The following NOC3L variants were observed in gnomAD, a reference collection of about 807,000 sequenced individuals.
NOC3L encodes the protein NOC3 like DNA replication regulator.
A neutral mutation model predicts 102.5 loss-of-function variants in NOC3L; 85 were observed. That is an observed-to-expected ratio of 0.83 (90% CI 0.70 to 0.99). The LOEUF is 0.99. Ranked by LOEUF, NOC3L falls within the 50% of genes least tolerant of loss-of-function variation. The pLI is 0.00. For missense variants in NOC3L, 878 were observed against 914.9 expected, an observed-to-expected ratio of 0.96 and a Z score of 0.52; for synonymous variants, 303 against 309.4, an observed-to-expected ratio of 0.98 and a Z score of 0.22.
At chr10:94,331,296 A>G (rs1488315098), downstream of NOC3L, 1 of 152,092 alleles carries the variant, frequency 6.6e-6, no homozygotes, top group East Asian at 1.9e-4. Context: ...GCCCTCTATG[A>G]TATGTATCAA....
chr10:94,333,210 TATC>T (rs1324386362), downstream of NOC3L: 2 of 152,054 alleles, frequency 1.3e-5, no homozygotes, highest in South Asian at 2.1e-4. Context: ...TTCAAAAAAT[TATC>T]ATATCACAAG....
chr10:94,353,758 G>A (rs1183593505), intron 6 of NOC3L, among the ~76,000 whole-genome samples: 2 of 152,062 alleles, frequency 1.3e-5, no homozygotes, highest in Admixed American at 6.6e-5. Context: ...CCTAAAGTAC[G>A]TGTGTCCTAT....
chr10:94,342,187 T>C (rs1321965837), intron 13 of NOC3L, among the ~76,000 whole-genome samples: 1 of 152,172 alleles, frequency 6.6e-6, no homozygotes, highest in African/African-American at 2.4e-5. Context: ...CAGTATCTAG[T>C]TCAGGCTCTG....
the NOC3L span, among the ~76,000 whole-genome samples, chr10:94,327,111 G>A: frequency 3.3e-5 from 5 of 152,054 alleles, no homozygotes; most frequent in South Asian, 6.2e-4. Flanking sequence ...GCAGTGAGCC[G>A]AGATTGCGCC....
the NOC3L span, among the ~76,000 whole-genome samples, chr10:94,323,235 G>T: frequency 6.6e-6 from 1 of 152,172 alleles, no homozygotes; most frequent in African/African-American, 2.4e-5. Flanking sequence ...TGGTTTCAGA[G>T]AAGTTTGCTT....
At chr10:94,325,292 C>A in the NOC3L span, 4 of 557,222 alleles carry the variant, frequency 7.2e-6, no homozygotes, top group East Asian at 9.5e-5. Flanking sequence ...CTATTGAACA[C>A]CGCCTATAAA....
At chr10:94,325,793 C>T in the NOC3L span, 7 of 152,206 alleles carry the variant, frequency 4.6e-5, 1 homozygote, top group South Asian at 1.5e-3. Context: ...TTCAAGGGCT[C>T]TATGGATCAT....
chr10:94,318,172 A>T, the NOC3L span, among the ~76,000 whole-genome samples: 1 of 152,186 alleles, frequency 6.6e-6, no homozygotes, highest in Non-Finnish European at 1.5e-5. Context: ...AAAAAATGTA[A>T]TTGTCTCCCC....
At position 94,353,097 on chromosome 10, in the gene NOC3L, C is replaced by A. The variant is rs781731169; in HGVS notation, c.697-40G>T. 6.6e-7 allele frequency: 1 copy of A among 1,526,186 alleles called. No homozygotes were observed. Among genetic ancestry groups the A allele is most frequent in the Non-Finnish European group, 8.9e-7 (1 of 1,123,362 alleles). The allele number at this position is 1,526,186 out of a possible 1,614,324, so 94.5% of individuals were successfully genotyped here. ...GCTTATAAAGCTGGAGAAATCATGA[C>A]GAAACAATTATGAACAAAAGACAAC... On this transcript the variant is annotated intron_variant, in intron 6 of 20. Transcript: ENST00000371361.
At chr10:94,325,823 A>G in the NOC3L span, among the ~76,000 whole-genome samples, 10 of 151,986 alleles carry the variant, frequency 6.6e-5, no homozygotes, top group Non-Finnish European at 1.2e-4. Flanking sequence ...ATTCTTTTGG[A>G]TTTCTCGTTT....
In NOC3L at chr10:94,345,063, C is replaced by G. The variant is rs1185243045; in HGVS notation, c.1390-130G>C. 12 of 588,748 alleles carry G rather than the reference C, an allele frequency of 2.0e-5. No homozygotes were observed. The South Asian group carries it at 2.8e-4, about 14-fold the overall frequency. The allele number at this position is 588,748 out of a possible 1,614,324, so 36.5% of individuals were successfully genotyped here. A position where few individuals can be genotyped will look rare whatever the true frequency, so the allele number is the denominator to read the frequency against. ...TGTTGTCTATGAATGCAAATATAAA[C>G]AAAGTAGAGAAACATGGACGGGAAG... On this transcript the variant is annotated intron_variant, in intron 11 of 20. Coordinates refer to ENST00000371361, the MANE Select transcript of NOC3L (RefSeq NM_022451.11).
At chr10:94,331,869 CTTTTTTTTTTTT>C (rs36054579), downstream of NOC3L, 3 of 119,094 alleles carry the variant, frequency 2.5e-5, no homozygotes, top group Admixed American at 1.8e-4. Flanking sequence ...CCAAGTTATT[CTTTTTTTTTTTT>C]TTTTTTTTGA....
In NOC3L at chr10:94,349,381, G is replaced by A; in HGVS notation, c.1129-3C>T. 1 of 1,571,730 alleles carries A rather than the reference G, an allele frequency of 6.4e-7. No homozygotes were observed. The highest frequency in any genetic ancestry group is 8.6e-7 in the Non-Finnish European group (1 of 1,168,214). ...GCTTCACAACACATTTCAGATATCT[G>A]AAAAATAAAATGTCATACTTAACCA... On this transcript the variant is annotated splice_polypyrimidine_tract_variant and splice_region_variant and intron_variant, in intron 9 of 20. Coordinates refer to ENST00000371361, the MANE Select transcript of NOC3L (RefSeq NM_022451.11).
intron 15 of NOC3L, 24 bp from the exon 16 acceptor site, chr10:94,340,371 A>G (rs755220243): frequency 8.7e-6 from 14 of 1,611,180 alleles, no homozygotes; most frequent in South Asian, 1.1e-5. Flanking sequence ...ACAAACACCA[A>G]TTAGGTATGT....
At chr10:94,322,784 T>TAA in the NOC3L span, among the ~76,000 whole-genome samples, 1 of 139,972 alleles carries the variant, frequency 7.1e-6, no homozygotes, top group African/African-American at 2.6e-5. Flanking sequence ...AAACTTCGTC[T>TAA]AAAAAAAAAA....
Position 94,338,647 on chromosome 10 carries a change from A to G in NOC3L, c.2052T>C (p.Asn684=), listed in dbSNP as rs748483665. The change falls in exon 18 of 21, where the codon AAT becomes AAC. Residue 684 remains asparagine (N), a synonymous_variant. Coordinates refer to ENST00000371361, the MANE Select transcript of NOC3L (RefSeq NM_022451.11). The part of the protein sequence containing the change: ...LPELDEPEYC[N]AQNTALWELH... Reference sequence around the variant, plus strand: ...GTTCCCACAGAGCAGTGTTCTGAGCATTGCAGTACTCAGGCTCATCCAGTT... The same window carrying G: ...GTTCCCACAGAGCAGTGTTCTGAGCGTTGCAGTACTCAGGCTCATCCAGTT... 3 of 1,610,766 alleles carry G rather than the reference A, an allele frequency of 1.9e-6. No individual in the cohort carries two copies. Among genetic ancestry groups the G allele is most frequent in the East Asian group, 2.2e-5 (1 of 44,862 alleles).
intron 2 of NOC3L, among the ~76,000 whole-genome samples, chr10:94,359,911 A>C (rs2054533126): frequency 6.6e-6 from 1 of 152,220 alleles, no homozygotes; most frequent in Admixed American, 6.5e-5. Flanking sequence ...TGAATCCAAA[A>C]AAAAGAAATC....
intron 19 of NOC3L, among the ~76,000 whole-genome samples, chr10:94,335,872 G>A (rs780849859): frequency 1.3e-5 from 2 of 152,072 alleles, no homozygotes; most frequent in African/African-American, 2.4e-5. Flanking sequence ...TGGGTAATGA[G>A]TACATTGTAA....
At chr10:94,316,373 TAAAC>T in the NOC3L span, among the ~76,000 whole-genome samples, 44 of 152,184 alleles carry the variant, frequency 2.9e-4, no homozygotes, top group African/African-American at 9.9e-4. Context: ...GGAGTGAACA[TAAAC>T]AATCCATTCT....
Sources: allele counts gnomAD v4.1 joint callset (sites outside exome capture counted in the v4.1 genomes callset), GRCh38; gene constraint gnomAD v4.1.1; transcripts MANE v1.5; gene names NCBI Gene and HGNC (gene_info 2026-07-23, HGNC 2026-07-21).